Variants in ADAMTSL1 observed in about 807,000 individuals in gnomAD.
ADAMTSL1 encodes the protein ADAMTS like 1, also known as ADAMTS-like protein 1.
ADAMTSL1 carries 126 observed loss-of-function variants against 201.8 expected under a neutral mutation model. The ratio of observed to expected loss-of-function variants is 0.62; its 90% confidence interval spans 0.54 to 0.72. The LOEUF is 0.72. ADAMTSL1 is among the 30% of genes least tolerant of loss of function. The pLI, the probability that ADAMTSL1 is intolerant of heterozygous loss-of-function variation, is 0.00. For synonymous variants in ADAMTSL1, 1,121 were observed against 903.4 expected (o/e 1.24, Z -4.32); for missense variants, 2,679 against 2,277.8 (o/e 1.18, Z -3.59).
intron 2 of ADAMTSL1, among the ~76,000 whole-genome samples, chr9:18,437,128 G>A (rs910644174): frequency 3.3e-5 from 5 of 150,942 alleles, no homozygotes; most frequent in Non-Finnish European, 7.4e-5. Context: ...ACATGGAGGG[G>A]GACACTCTGC....
At chr9:18,702,022 C>G (rs1380327171) in intron 13 of ADAMTSL1, among the ~76,000 whole-genome samples, 2 of 152,050 alleles carry the variant, frequency 1.3e-5, no homozygotes, top group East Asian at 3.9e-4. Context: ...TGGTGGAAGG[C>G]AAGGAGGAGC....
chr9:18,417,116 A>G (rs148835316), intron 2 of ADAMTSL1, among the ~76,000 whole-genome samples: 4 of 152,040 alleles, frequency 2.6e-5, no homozygotes, highest in Admixed American at 6.6e-5. Flanking sequence ...TAACAAAAAG[A>G]TCTCTGCAAA....
intron 1 of ADAMTSL1, among the ~76,000 whole-genome samples, chr9:18,069,681 C>G (rs1822869179): frequency 6.6e-6 from 1 of 152,110 alleles, no homozygotes. Context: ...ATACTGTGAT[C>G]TGATTGGATT....
rs1825862529 is a variant in ADAMTSL1, at chr9:17,909,744, C to T, written c.87+2822C>T. 3.0e-5 allele frequency among the ~76,000 whole-genome samples: 2 copies of T among 65,922 alleles called. 1 individual carries two copies. The highest frequency in any genetic ancestry group is 9.1e-5 in the Non-Finnish European group (2 of 22,070). 43.2% of individuals were successfully genotyped at this position (65,922 alleles called of 152,430 possible). On this transcript the variant is annotated intron_variant, in intron 1 of 29. Transcript: ENST00000680146. The stretch of plus-strand genomic sequence containing the variant: ...AACTATCACAAAACAAAAAACCAAA[C>T]ACTGCATATTCTCACTCATAGGTGG...
intron 1 of ADAMTSL1, among the ~76,000 whole-genome samples, chr9:18,055,066 C>T (rs1277211605): frequency 3.3e-5 from 5 of 152,214 alleles, no homozygotes; most frequent in African/African-American, 9.6e-5. Flanking sequence ...TGCCACAGCA[C>T]TATGCATTCC....
intron 26 of ADAMTSL1, among the ~76,000 whole-genome samples, chr9:18,895,932 C>A (rs1202566578): frequency 6.6e-6 from 1 of 152,132 alleles, no homozygotes; most frequent in African/African-American, 2.4e-5. Context: ...CTTAAATATG[C>A]TAAATTGGGA....
At chr9:18,660,867 C>A (rs1829048854) in intron 8 of ADAMTSL1, among the ~76,000 whole-genome samples, 1 of 152,014 alleles carries the variant, frequency 6.6e-6, no homozygotes, top group Non-Finnish European at 1.5e-5. Flanking sequence ...GAGAACACAG[C>A]CTTAAGCCAG....
chr9:18,639,432 T>G (rs765902968), intron 7 of ADAMTSL1, 21 bp downstream of exon 7: 7 of 1,602,630 alleles, frequency 4.4e-6, no homozygotes, highest in Non-Finnish European at 2.6e-6. Flanking sequence ...TTTAGATACC[T>G]CCTTTTCAAG....
chr9:17,998,779 G>A (rs1004744037), intron 1 of ADAMTSL1, among the ~76,000 whole-genome samples: 1 of 151,908 alleles, frequency 6.6e-6, no homozygotes, highest in Non-Finnish European at 1.5e-5. Flanking sequence ...TAAGTGAGGT[G>A]ACCTATCAAG....
At chr9:18,424,279 C>G (rs1036097970) in intron 2 of ADAMTSL1, among the ~76,000 whole-genome samples, 5 of 152,146 alleles carry the variant, frequency 3.3e-5, no homozygotes, top group African/African-American at 1.2e-4. Flanking sequence ...ATTAATTGCC[C>G]TGTTGAACTC....
chr9:18,133,252 C>G (rs1200796284), intron 1 of ADAMTSL1, among the ~76,000 whole-genome samples: 1 of 152,070 alleles, frequency 6.6e-6, no homozygotes, highest in South Asian at 2.1e-4. Flanking sequence ...TCCAGTTAGG[C>G]TAATAACTCA....
At chr9:18,687,566 C>A (rs540604777) in intron 13 of ADAMTSL1, among the ~76,000 whole-genome samples, 2 of 152,160 alleles carry the variant, frequency 1.3e-5, no homozygotes, top group Non-Finnish European at 2.9e-5. Context: ...CAGTAAATAT[C>A]ATTTATTTCC....
chr9:18,346,777 C>T (rs1835738301), intron 2 of ADAMTSL1, among the ~76,000 whole-genome samples: 1 of 152,132 alleles, frequency 6.6e-6, no homozygotes, highest in Non-Finnish European at 1.5e-5. Context: ...AGAGGAAGAA[C>T]TGAGGCCACC....
At chr9:18,284,370 C>T (rs1253438955) in intron 2 of ADAMTSL1, among the ~76,000 whole-genome samples, 7 of 152,018 alleles carry the variant, frequency 4.6e-5, no homozygotes, top group Admixed American at 1.3e-4. Flanking sequence ...TTAGCATATT[C>T]GGTTTTAGCA....
chr9:18,139,996 G>A (rs1331086), intron 1 of ADAMTSL1, among the ~76,000 whole-genome samples: 1 of 152,072 alleles, frequency 6.6e-6, no homozygotes, highest in Non-Finnish European at 1.5e-5. Context: ...ATAAAAATTT[G>A]CAATGTATTG....
At chr9:18,323,890 G>C (rs1834724238) in intron 2 of ADAMTSL1, among the ~76,000 whole-genome samples, 1 of 152,138 alleles carries the variant, frequency 6.6e-6, no homozygotes. Flanking sequence ...AATTGTTAAA[G>C]ATGCCAACTC....
chr9:18,003,167 C>T (rs1229932688), intron 1 of ADAMTSL1, among the ~76,000 whole-genome samples: 1 of 152,038 alleles, frequency 6.6e-6, no homozygotes. Flanking sequence ...AGACCACTAG[C>T]TTCCAGGCTC....
chr9:18,384,652 C>G (rs1837709964), intron 2 of ADAMTSL1, among the ~76,000 whole-genome samples: 1 of 152,136 alleles, frequency 6.6e-6, no homozygotes, highest in Non-Finnish European at 1.5e-5. Flanking sequence ...CATAGGCAAT[C>G]TTGCCATCTG....
chr9:18,769,211 A>T (rs977438267), intron 16 of ADAMTSL1, among the ~76,000 whole-genome samples: 3 of 152,198 alleles, frequency 2.0e-5, no homozygotes, highest in Non-Finnish European at 4.4e-5. Flanking sequence ...CCCCATAGCC[A>T]TTCTGAGTAC....
Sources: allele counts gnomAD v4.1 joint callset (sites outside exome capture counted in the v4.1 genomes callset), GRCh38; gene constraint gnomAD v4.1.1; transcripts MANE v1.5; gene names NCBI Gene and HGNC (gene_info 2026-07-23, HGNC 2026-07-21).